ZNF423: variants seen among roughly 807,000 people sequenced by gnomAD.
ZNF423 encodes the protein Ebf-associated zinc finger protein.
Under a neutral mutation model 95.8 loss-of-function variants are expected in ZNF423, and 12 were observed. The ratio of observed to expected loss-of-function variants is 0.13; its 90% CI spans 0.08 to 0.20. The LOEUF (loss-of-function observed/expected upper bound fraction) is 0.20, where lower values mean the gene tolerates loss of function less well. Ranked by LOEUF, ZNF423 falls within the 10% of genes least tolerant of loss-of-function variation. The pLI, the probability that ZNF423 is intolerant of heterozygous loss-of-function variation, is 1.00. For synonymous variants in ZNF423, 749 were observed against 711.9 expected, an observed-to-expected ratio of 1.05 and a Z score of -0.83; for missense variants, 1,316 against 1,737.1, an observed-to-expected ratio of 0.76 and a Z score of 4.31.
rs1597067640 is a variant in ZNF423, at chr16:49,855,782, G to T, written c.-8C>A. On this transcript the variant is annotated 5_prime_UTR_variant, in exon 1 of 8. Transcript: ENST00000563137. This position sits in a 1 kb window ranked among gnomAD's most constrained non-coding sequence, Gnocchi z 4.7. ...CTGCTTCCGCCTGGACATGTCCGGGGCTCCGGGCGCTCCGTCGCCCTCCGC... is the reference window on the plus strand; with the variant it reads ...CTGCTTCCGCCTGGACATGTCCGGGTCTCCGGGCGCTCCGTCGCCCTCCGC... The T allele has an allele frequency of 1.3e-5, 2 of 151,244 alleles. No individual in the cohort carries two copies. Among genetic ancestry groups the T allele is most frequent in the South Asian group, 2.0e-4 (1 of 4,948 alleles). The allele number at this position is 151,244 out of a possible 1,614,324, so 9.4% of individuals were successfully genotyped here.
At chr16:49,727,568 T>C (rs1385025089) in intron 3 of ZNF423, among the ~76,000 whole-genome samples, 1 of 151,524 alleles carries the variant, frequency 6.6e-6, no homozygotes, top group Non-Finnish European at 1.5e-5. Context: ...CGCCCACAAA[T>C]ACACCCCCGA....
At chr16:49,695,482 G>T (rs1301337723) in intron 3 of ZNF423, among the ~76,000 whole-genome samples, 2 of 152,216 alleles carry the variant, frequency 1.3e-5, no homozygotes, top group Non-Finnish European at 2.9e-5. Context: ...TAGTAGAGAT[G>T]GGGTTTCTCC....
At chr16:49,525,115 G>A (rs2151708215) in intron 6 of ZNF423, among the ~76,000 whole-genome samples, 1 of 152,330 alleles carries the variant, frequency 6.6e-6, no homozygotes, top group South Asian at 2.1e-4. Flanking sequence ...AGAGGGCGAG[G>A]AGAGGGTGCC....
chr16:49,562,664 C>A (rs1359439491), intron 5 of ZNF423, among the ~76,000 whole-genome samples: 1 of 152,338 alleles, frequency 6.6e-6, no homozygotes, highest in East Asian at 1.9e-4. Context: ...TGAACGGATT[C>A]TAGAATCAGA....
chr16:49,822,739 C>T, intron 1 of ZNF423: 1 of 1,598,374 alleles, frequency 6.3e-7, no homozygotes, highest in Non-Finnish European at 8.5e-7. Context: ...GGAAGTTTTC[C>T]TGGGGGAATA....
At chr16:49,750,749 C>T (rs546799563) in intron 2 of ZNF423, among the ~76,000 whole-genome samples, 4 of 152,252 alleles carry the variant, frequency 2.6e-5, no homozygotes, top group South Asian at 2.1e-4. Context: ...GAGTGATCAG[C>T]GCATCCAAGG....
intron 3 of ZNF423, among the ~76,000 whole-genome samples, chr16:49,725,381 T>A (rs1156465048): frequency 6.6e-6 from 1 of 152,062 alleles, no homozygotes; most frequent in African/African-American, 2.4e-5. Flanking sequence ...AGACCCTGTC[T>A]CTTAAAAAAC....
At chr16:49,718,200 C>A (rs994693945) in intron 3 of ZNF423, among the ~76,000 whole-genome samples, 1 of 152,160 alleles carries the variant, frequency 6.6e-6, no homozygotes. Flanking sequence ...GTGGGAGGAT[C>A]ACCTGAGTCA....
intron 2 of ZNF423, among the ~76,000 whole-genome samples, chr16:49,783,489 G>T (rs1014262255): frequency 7.0e-6 from 1 of 143,416 alleles, no homozygotes; most frequent in Non-Finnish European, 1.5e-5. Context: ...GTAGGGTTAG[G>T]GTTAGTAGCA....
intron 5 of ZNF423, among the ~76,000 whole-genome samples, chr16:49,583,549 C>A (rs1970736339): frequency 6.6e-6 from 1 of 152,168 alleles, no homozygotes. Flanking sequence ...TAACCATCTA[C>A]AGAAGTACTA....
chr16:49,619,373 C>T (rs1452002012), intron 5 of ZNF423, among the ~76,000 whole-genome samples: 3 of 152,108 alleles, frequency 2.0e-5, no homozygotes, highest in Non-Finnish European at 4.4e-5. Context: ...AACAAACAAA[C>T]ACATACGCAT....
rs948767606 is a variant in ZNF423 at position 49,840,334 on chromosome 16, G to T, written c.40+15401C>A. Among the ~76,000 whole-genome samples, 5 of 152,036 alleles carry T rather than the reference G, an allele frequency of 3.3e-5. No individual in the cohort carries two copies. The South Asian group carries it at 1.0e-3, about 32-fold the overall frequency. On this transcript the variant is annotated intron_variant, in intron 1 of 7. Transcript: ENST00000563137. ...GGCGACAGAAAACTTTTCTCTTTTT[G>T]GGGGGGTGGAACATCAACAAAATCC...
intron 3 of ZNF423, among the ~76,000 whole-genome samples, chr16:49,679,236 A>G (rs2031248661): frequency 6.6e-6 from 1 of 152,244 alleles, no homozygotes; most frequent in Admixed American, 6.5e-5. Flanking sequence ...CAAAGATGCC[A>G]GCTGCAGTTG....
At chr16:49,659,883 C>T (rs1049545571) in intron 3 of ZNF423, among the ~76,000 whole-genome samples, 17 of 152,214 alleles carry the variant, frequency 1.1e-4, no homozygotes, top group Non-Finnish European at 2.5e-4. Flanking sequence ...TGGTCCCCAG[C>T]TCCTCCCAGC....
intron 5 of ZNF423, among the ~76,000 whole-genome samples, chr16:49,526,085 T>A (rs536776739): frequency 1.8e-4 from 28 of 151,936 alleles, no homozygotes; most frequent in Admixed American, 7.2e-4. Flanking sequence ...CTGAGGTGGG[T>A]CCATGCCATG....
At chr16:49,764,147 G>C (rs570483244) in intron 2 of ZNF423, among the ~76,000 whole-genome samples, 13 of 152,320 alleles carry the variant, frequency 8.5e-5, no homozygotes, top group African/African-American at 2.4e-4. Context: ...ATGTTGGCAA[G>C]AGCCCCCAAC....
At chr16:49,547,296 G>A (rs7205107) in intron 5 of ZNF423, among the ~76,000 whole-genome samples, 16,455 of 151,960 alleles carry the variant, frequency 0.11, 1,379 homozygotes, top group African/African-American at 0.24. Context: ...CTCCACTCAC[G>A]GCTCTCTGGC....
rs188584137 is a variant in ZNF423, at chr16:49,625,944, A to C, written c.3601+226T>G. 1.6e-3 allele frequency among the ~76,000 whole-genome samples: 249 copies of C among 152,304 alleles called. 1 individual carries two copies. The highest frequency in any genetic ancestry group is 5.6e-3 in the African/African-American group (233 of 41,558). On this transcript the variant is annotated intron_variant, in intron 5 of 7. Transcript: ENST00000563137. ...AGGGAAATTTATGCTGGAAAATGGA[A>C]GAGATTGTCAAAAGTTTGATTATAA...
intron 3 of ZNF423, among the ~76,000 whole-genome samples, chr16:49,721,752 A>G (rs369218286): frequency 3.3e-5 from 5 of 152,194 alleles, no homozygotes; most frequent in African/African-American, 1.2e-4. Context: ...CTGGGTAGGA[A>G]AGAAGCAAAA....
Sources: allele counts gnomAD v4.1 joint callset (sites outside exome capture counted in the v4.1 genomes callset), GRCh38; gene constraint gnomAD v4.1.1; non-coding constraint Gnocchi (gnomAD v3.1); transcripts MANE v1.5; gene names NCBI Gene and HGNC (gene_info 2026-07-23, HGNC 2026-07-21).